The following CELF2 variants were observed in gnomAD, a reference collection of about 807,000 sequenced individuals.
CELF2 encodes CUGBP Elav-like family member 2, also known as CUG triplet repeat RNA-binding protein 2.
In CELF2, 8 loss-of-function variants were observed where a neutral mutation model predicts 62.6. The ratio of observed to expected loss-of-function variants is 0.13; its 90% CI spans 0.07 to 0.23. The LOEUF is 0.23. CELF2 is among the 10% of genes least tolerant of loss of function. The pLI is 1.00. For missense variants in CELF2, 333 were observed against 671.0 expected, an observed-to-expected ratio of 0.50 and a Z score of 5.56; for synonymous variants, 258 against 250.0, an observed-to-expected ratio of 1.03 and a Z score of -0.30.
intron 2 of CELF2, among the ~76,000 whole-genome samples, chr10:11,182,442 GACAATGATATAC>G (rs1488651959): frequency 6.6e-6 from 1 of 152,166 alleles, no homozygotes; most frequent in Non-Finnish European, 1.5e-5. Flanking sequence ...GGAACTCTAA[GACAATGATATAC>G]TTTGCCCCTA....
chr10:10,753,325 G>GTA, the CELF2 span, among the ~76,000 whole-genome samples: 1 of 150,332 alleles, frequency 6.7e-6, no homozygotes, highest in African/African-American at 2.5e-5. Context: ...GTGTGTGTGT[G>GTA]TGTGTTAAGA....
the CELF2 span, among the ~76,000 whole-genome samples, chr10:10,690,739 G>A: frequency 7.2e-5 from 11 of 152,188 alleles, no homozygotes; most frequent in South Asian, 2.1e-4. Context: ...AATTAGCCTG[G>A]CATGGTGATG....
At chr10:10,569,192 C>A in the CELF2 span, among the ~76,000 whole-genome samples, 3 of 152,156 alleles carry the variant, frequency 2.0e-5, no homozygotes, top group South Asian at 6.2e-4. Flanking sequence ...AAAGACATAC[C>A]TGAGACTGGG....
At position 11,110,807 on chromosome 10, in the gene CELF2, A is replaced by G. The variant is rs192157278; in HGVS notation, c.75-54679A>G. Among the ~76,000 whole-genome samples the G allele has an allele frequency of 9.2e-5, 14 of 152,260 alleles. No individual in the cohort carries two copies. The East Asian group carries it at 2.5e-3, about 27-fold the overall frequency. On this transcript the variant is annotated intron_variant, in intron 1 of 12. Transcript: ENST00000633077. This position sits in a 1 kb window ranked among gnomAD's most constrained non-coding sequence, Gnocchi z 4.0. ...AGTTTCTGCTTGTCAAGGAACTGCA[A>G]CCCTGACCTTAACCACCACCTCATT...
chr10:11,099,245 A>G (rs2142380925), intron 1 of CELF2, among the ~76,000 whole-genome samples: 1 of 152,348 alleles, frequency 6.6e-6, no homozygotes, highest in African/African-American at 2.4e-5. Flanking sequence ...TCTGCTCTTC[A>G]GTAAAAATGA....
the CELF2 span, among the ~76,000 whole-genome samples, chr10:10,462,615 C>CTTTTTTTTTTTT: frequency 1.3e-4 from 9 of 69,406 alleles, no homozygotes; most frequent in East Asian, 5.2e-4. Context: ...TTTTTTTCAT[C>CTTTTTTTTTTTT]TTTTTTTTTT....
Position 11,318,970 on chromosome 10 carries a change from G to A in CELF2, c.1097-2219G>A, listed in dbSNP as rs2095258303. ...GTGCGATGCTGCCCACCCCTCCATG[G>A]GAACTTGGAGGCGTCCACTGGAGAC... On this transcript the variant is annotated intron_variant, in intron 10 of 12. Coordinates refer to ENST00000633077, the MANE Select transcript of CELF2 (RefSeq NM_001326342.2). The surrounding 1 kb of genome is among the most constrained non-coding windows in gnomAD (Gnocchi z 5.4). The A allele has an allele frequency of 2.1e-6, 1 of 471,044 alleles. No individual in the cohort carries two copies. Among genetic ancestry groups the A allele is most frequent in the Admixed American group, 2.3e-5 (1 of 42,570 alleles). 29.2% of individuals were successfully genotyped at this position (471,044 alleles called of 1,614,324 possible).
chr10:11,120,923 G>A (rs1441211475), intron 1 of CELF2, among the ~76,000 whole-genome samples: 1 of 152,200 alleles, frequency 6.6e-6, no homozygotes, highest in Admixed American at 6.5e-5. Context: ...TACTGCAGGT[G>A]CAGCAGCTCA....
the CELF2 span, among the ~76,000 whole-genome samples, chr10:10,515,618 C>T: frequency 7.2e-5 from 11 of 152,226 alleles, no homozygotes; most frequent in African/African-American, 9.6e-5. Flanking sequence ...TCCCCGTTAA[C>T]GCCACTTGAA....
the CELF2 span, among the ~76,000 whole-genome samples, chr10:10,657,629 A>T: frequency 5.3e-5 from 8 of 152,214 alleles, no homozygotes; most frequent in African/African-American, 1.9e-4. Flanking sequence ...ATCCAATTAT[A>T]TAAAGTTTAA....
At chr10:11,206,004 A>C (rs1321871363) in intron 2 of CELF2, among the ~76,000 whole-genome samples, 1 of 152,236 alleles carries the variant, frequency 6.6e-6, no homozygotes. Flanking sequence ...GTAGATTATG[A>C]CGTCCTTATT....
At chr10:10,556,094 C>T in the CELF2 span, among the ~76,000 whole-genome samples, 1 of 152,074 alleles carries the variant, frequency 6.6e-6, no homozygotes. Flanking sequence ...AGGTTAGTTA[C>T]ATATGTATAC....
At chr10:11,235,164 A>G (rs2070700313) in intron 3 of CELF2, among the ~76,000 whole-genome samples, 1 of 146,870 alleles carries the variant, frequency 6.8e-6, no homozygotes, top group African/African-American at 2.4e-5. Context: ...CATAAAGACA[A>G]AAAAAACAAA....
chr10:10,802,357 C>A (rs2131540625), intron 1 of CELF2, among the ~76,000 whole-genome samples: 1 of 152,268 alleles, frequency 6.6e-6, no homozygotes, highest in East Asian at 1.9e-4. Context: ...GTAGTCCCAG[C>A]TACTCAGGAG....
At chr10:10,930,557 G>A (rs898192554) in intron 2 of CELF2, among the ~76,000 whole-genome samples, 25 of 152,082 alleles carry the variant, frequency 1.6e-4, no homozygotes, top group Admixed American at 2.6e-4. Flanking sequence ...AAAGCCTGCC[G>A]TTTTCTGGAT....
the CELF2 span, among the ~76,000 whole-genome samples, chr10:10,552,134 T>C: frequency 2.0e-5 from 3 of 152,176 alleles, no homozygotes; most frequent in African/African-American, 4.8e-5. Context: ...TTTGTTGTTC[T>C]TGTTGATCAG....
At chr10:11,061,979 A>C (rs765812439) in intron 1 of CELF2, among the ~76,000 whole-genome samples, 2 of 152,102 alleles carry the variant, frequency 1.3e-5, no homozygotes, top group Non-Finnish European at 2.9e-5. Context: ...CGCCCAGGTA[A>C]TTTTGTATTT....
Position 11,316,057 on chromosome 10 carries a change from A to T in CELF2, c.1096+1799A>T, listed in dbSNP as rs932771960. 1.3e-5 allele frequency among the ~76,000 whole-genome samples: 2 copies of T among 152,148 alleles called. No individual in the cohort carries two copies. Among genetic ancestry groups the T allele is most frequent in the African/African-American group, 4.8e-5 (2 of 41,440 alleles). On this transcript the variant is annotated intron_variant, in intron 10 of 12. Transcript: ENST00000633077. This position sits in a 1 kb window ranked among gnomAD's most constrained non-coding sequence, Gnocchi z 4.4. ...CACGCTGCTCTGCTCTGCATTGCTGAGATTTTCCCATCGTTCTCGTCAGGG... is the reference window on the plus strand; with the variant it reads ...CACGCTGCTCTGCTCTGCATTGCTGTGATTTTCCCATCGTTCTCGTCAGGG...
the CELF2 span, among the ~76,000 whole-genome samples, chr10:10,687,812 C>T: frequency 6.6e-6 from 1 of 152,222 alleles, no homozygotes; most frequent in African/African-American, 2.4e-5. Flanking sequence ...TGTTTACACT[C>T]TCCTACCCAC....
Sources: allele counts gnomAD v4.1 joint callset (sites outside exome capture counted in the v4.1 genomes callset), GRCh38; gene constraint gnomAD v4.1.1; non-coding constraint Gnocchi (gnomAD v3.1); transcripts MANE v1.5; gene names NCBI Gene and HGNC (gene_info 2026-07-23, HGNC 2026-07-21).